HAO1: variants seen among roughly 807,000 people sequenced by gnomAD.
HAO1 encodes the protein hydroxyacid oxidase 1.
Under a neutral mutation model 39.7 loss-of-function variants are expected in HAO1, and 34 were observed. That is an observed-to-expected ratio of 0.86 (90% CI 0.65 to 1.14). The LOEUF (loss-of-function observed/expected upper bound fraction) is 1.14, where lower values mean the gene tolerates loss of function less well. Among genes scored for constraint, HAO1 ranks in the 50% most tolerant of loss-of-function variants. The pLI, the probability that HAO1 is intolerant of heterozygous loss-of-function variation, is 0.00. For synonymous variants in HAO1, 172 were observed against 173.2 expected, an observed-to-expected ratio of 0.99 and a Z score of 0.05; for missense variants, 479 against 464.5, an observed-to-expected ratio of 1.03 and a Z score of -0.29.
At chr20:7,923,812 G>A (rs1241918314) in intron 2 of HAO1, among the ~76,000 whole-genome samples, 3 of 152,112 alleles carry the variant, frequency 2.0e-5, no homozygotes, top group South Asian at 2.1e-4. Flanking sequence ...TCCTGCTGAC[G>A]CTGATGTTCC....
chr20:7,935,211 A>T (rs2050404693), intron 1 of HAO1, among the ~76,000 whole-genome samples: 1 of 152,216 alleles, frequency 6.6e-6, no homozygotes, highest in Admixed American at 6.5e-5. Flanking sequence ...TTGATGAATA[A>T]TATTCCATCA....
At chr20:7,916,690 AT>A (rs1333345714) in intron 2 of HAO1, among the ~76,000 whole-genome samples, 1 of 152,198 alleles carries the variant, frequency 6.6e-6, no homozygotes, top group Non-Finnish European at 1.5e-5. Flanking sequence ...AATAAAATGT[AT>A]TTTGTTTTTG....
At chr20:7,911,795 C>T (rs186536648) in intron 3 of HAO1, among the ~76,000 whole-genome samples, 2 of 152,348 alleles carry the variant, frequency 1.3e-5, no homozygotes, top group East Asian at 3.9e-4. Flanking sequence ...TGCCAAACTT[C>T]ACTTATGAAA....
chr20:7,891,506 G>A (rs2050174032), intron 5 of HAO1, among the ~76,000 whole-genome samples: 1 of 152,018 alleles, frequency 6.6e-6, no homozygotes, highest in South Asian at 2.1e-4. Flanking sequence ...TATTTACTCT[G>A]CTGACTTCAT....
At chr20:7,904,849 C>T (rs2050240013) in intron 4 of HAO1, among the ~76,000 whole-genome samples, 1 of 151,924 alleles carries the variant, frequency 6.6e-6, no homozygotes, top group Admixed American at 6.6e-5. Context: ...TTATTTAGTC[C>T]CCACAGTTGA....
At chr20:7,925,204 T>A (rs1299814242) in intron 2 of HAO1, among the ~76,000 whole-genome samples, 1 of 152,210 alleles carries the variant, frequency 6.6e-6, no homozygotes, top group African/African-American at 2.4e-5. Flanking sequence ...ACTACAATTA[T>A]GCTTGAAATA....
At chr20:7,907,400 G>A (rs2122769519) in intron 3 of HAO1, among the ~76,000 whole-genome samples, 1 of 152,218 alleles carries the variant, frequency 6.6e-6, no homozygotes, top group East Asian at 1.9e-4. Flanking sequence ...GATAAATTCT[G>A]CCTAAGTTCC....
chr20:7,911,132 G>A (rs2050277562), intron 3 of HAO1, among the ~76,000 whole-genome samples: 1 of 152,196 alleles, frequency 6.6e-6, no homozygotes, highest in Non-Finnish European at 1.5e-5. Context: ...GAGTGGGTGA[G>A]GATGTGAGTG....
chr20:7,901,814 A>G (rs536932698), intron 4 of HAO1, among the ~76,000 whole-genome samples: 1 of 152,344 alleles, frequency 6.6e-6, no homozygotes, highest in East Asian at 1.9e-4. Context: ...AGATGCCATT[A>G]AGAACATTTG....
intron 4 of HAO1, 122 bp from the exon 5 acceptor site, chr20:7,895,346 C>T (rs1218469722): frequency 6.0e-6 from 4 of 663,164 alleles, no homozygotes; most frequent in Non-Finnish European, 1.1e-5. Flanking sequence ...GGTCAATAAT[C>T]TTAGCATAAA....
intron 5 of HAO1, among the ~76,000 whole-genome samples, chr20:7,891,760 C>A (rs369631070): frequency 2.6e-5 from 4 of 152,118 alleles, no homozygotes; most frequent in Non-Finnish European, 4.4e-5. Context: ...ATTCTCTCAG[C>A]GAGAGGGAAA....
chr20:7,932,303 G>A (rs2050389560), intron 2 of HAO1, among the ~76,000 whole-genome samples: 1 of 152,152 alleles, frequency 6.6e-6, no homozygotes, highest in South Asian at 2.1e-4. Flanking sequence ...ATCAGTGTGA[G>A]AAGGAACTAA....
intron 1 of HAO1, among the ~76,000 whole-genome samples, chr20:7,937,581 G>C (rs1568522463): frequency 3.9e-5 from 6 of 151,924 alleles, no homozygotes; most frequent in Admixed American, 3.9e-4. Flanking sequence ...CAGCAGAAAA[G>C]AGTTTCCTTT....
rs2050318284 is a variant in HAO1 at position 7,918,772 on chromosome 20, T to TA, written c.290-4354dup. Among the ~76,000 whole-genome samples, 6 of 152,344 alleles carry TA rather than the reference T, an allele frequency of 3.9e-5. No homozygotes were observed. In the South Asian group the frequency reaches 1.2e-3, roughly 32 times the overall value. On this transcript the variant is annotated intron_variant, in intron 2 of 7. Coordinates refer to ENST00000378789, the MANE Select transcript of HAO1 (RefSeq NM_017545.3). Reference sequence around the variant, plus strand: ...ACACTGCTCATTTTGGGGTAATACTTACAAGCTTCAAAATTTTATAAATGG... The same window carrying TA: ...ACACTGCTCATTTTGGGGTAATACTTAACAAGCTTCAAAATTTTATAAATGG...
intron 2 of HAO1, among the ~76,000 whole-genome samples, chr20:7,933,285 A>G (rs763759740): frequency 2.6e-5 from 4 of 151,622 alleles, no homozygotes; most frequent in Admixed American, 6.6e-5. Context: ...TTTACCATTT[A>G]CTTTTTATTT....
At chr20:7,928,040 C>A (rs549861022) in intron 2 of HAO1, among the ~76,000 whole-genome samples, 1 of 152,268 alleles carries the variant, frequency 6.6e-6, no homozygotes, top group Middle Eastern at 3.4e-3. Flanking sequence ...TGTATAAATG[C>A]TGGTGATCAT....
chr20:7,940,288 G>A lies in HAO1; in HGVS notation c.135C>T (p.Ser45=), dbSNP rs1286079740. The change falls in exon 1 of 8, where the codon TCC becomes TCT. Residue 45 remains serine (S), a splice_region_variant and synonymous_variant. Coordinates refer to ENST00000378789, the MANE Select transcript of HAO1 (RefSeq NM_017545.3). The part of the protein sequence containing the change: ...ETLADNIAAF[S]RWKLYPRMLR... ...TTTTAAAAAATAAATTTTCTTACCT[G>A]GAAAATGCTGCAATATTATCAGCCA... The A allele has an allele frequency of 1.9e-6, 3 of 1,594,860 alleles. No homozygotes were observed. The Admixed American group carries it at 5.5e-5, about 29-fold the overall frequency.
chr20:7,898,290 C>G (rs2050206384), intron 4 of HAO1, among the ~76,000 whole-genome samples: 2 of 152,122 alleles, frequency 1.3e-5, no homozygotes, highest in Admixed American at 1.3e-4. Flanking sequence ...ATAATCTACC[C>G]CTACCTCCTC....
At chr20:7,938,977 G>T (rs1175819128) in intron 1 of HAO1, among the ~76,000 whole-genome samples, 2 of 152,056 alleles carry the variant, frequency 1.3e-5, no homozygotes, top group Non-Finnish European at 2.9e-5. Flanking sequence ...ATCTGTCAAG[G>T]GTCTGAAATT....
Sources: gnomAD v4.1 joint callset for allele counts (sites outside exome capture counted in the v4.1 genomes callset) on GRCh38, gnomAD v4.1.1 for gene constraint, MANE v1.5 for transcripts, NCBI Gene and HGNC (gene_info 2026-07-23, HGNC 2026-07-21) for gene names.